Variants in GNE observed in about 807,000 individuals in gnomAD.
The protein encoded by GNE is bifunctional UDP-N-acetylglucosamine 2-epimerase/N-acetylmannosamine kinase.
A neutral mutation model predicts 61.8 loss-of-function variants in GNE; 41 were observed. The observed-to-expected ratio is 0.66, with a 90% confidence interval of 0.52 to 0.86. The LOEUF (loss-of-function observed/expected upper bound fraction) is 0.86, where lower values mean the gene tolerates loss of function less well. Ranked by LOEUF, GNE falls within the 40% of genes least tolerant of loss-of-function variation. GNE has a pLI of 0.00. For missense variants in GNE, 608 were observed against 909.1 expected (o/e 0.67, Z 4.26); for synonymous variants, 264 against 326.4 (o/e 0.81, Z 2.06).
chr9:36,274,113 T>TGTGA (rs1831157099), intron 1 of GNE, among the ~76,000 whole-genome samples: 1 of 133,502 alleles, frequency 7.5e-6, no homozygotes, highest in Non-Finnish European at 1.6e-5. Flanking sequence ...TGTGTGTGTG[T>TGTGA]GTGACAGGGT....
At position 36,216,327 on chromosome 9, in the gene GNE, A is replaced by ATGTGTGTGTGTGTGTGCGTGCGTG; in HGVS notation, c.*1037_*1038insCACGCACGCACACACACACACACA. The ATGTGTGTGTGTGTGTGCGTGCGTG allele has an allele frequency of 2.8e-6, 1 of 355,724 alleles. No homozygotes were observed. The highest frequency in any genetic ancestry group is 5.8e-6 in the Non-Finnish European group (1 of 171,796). 22.0% of individuals were successfully genotyped at this position (355,724 alleles called of 1,614,324 possible). On this transcript the variant is annotated 3_prime_UTR_variant, in exon 12 of 12. Transcript: ENST00000642385. ...TTAGTTTGGGGTTAGAGGAGGAAGG[A>ATGTGTGTGTGTGTGTGCGTGCGTG]TGTGTGTGTGTGTGTGTGTGTGTGT...
At chr9:36,246,662 T>TC (rs1481700068) in intron 2 of GNE, among the ~76,000 whole-genome samples, 180 bp from the exon 3 acceptor site, 19 of 101,172 alleles carry the variant, frequency 1.9e-4, no homozygotes, top group African/African-American at 8.2e-4. Context: ...TTAAGATTCT[T>TC]TTTTTTTTTT....
chr9:36,265,379 G>A lies in GNE; in HGVS notation c.51+11515C>T, dbSNP rs567299273. ...CCATGTTGGGAGCTCTGGGAGCAAGGACCCCCGGTAACATTGTGATGTCTG... is the reference window on the plus strand; with the variant it reads ...CCATGTTGGGAGCTCTGGGAGCAAGAACCCCCGGTAACATTGTGATGTCTG... On this transcript the variant is annotated intron_variant, in intron 1 of 11. Transcript: ENST00000396594. 6.6e-6 allele frequency: 3 copies of A among 455,456 alleles called. No homozygotes were observed. In the Admixed American group the frequency reaches 7.0e-5, roughly 11 times the overall value. The allele number at this position is 455,456 out of a possible 1,614,324, so 28.2% of individuals were successfully genotyped here. A position where few individuals can be genotyped will look rare whatever the true frequency, so the allele number is the denominator to read the frequency against.
Position 36,220,123 on chromosome 9 carries a change from C to G in GNE, c.1634-103G>C, listed in dbSNP as rs375274333. On this transcript the variant is annotated intron_variant, in intron 9 of 11. Transcript: ENST00000642385. Reference sequence around the variant, plus strand: ...TAGCAGAGCTTTGGCATGTGAGGGTCTATAGATACTTCTTTAGACAGCTGA... The same window carrying G: ...TAGCAGAGCTTTGGCATGTGAGGGTGTATAGATACTTCTTTAGACAGCTGA... The G allele has an allele frequency of 1.3e-4, 123 of 920,096 alleles. No homozygotes were observed. The Middle Eastern group carries it at 1.6e-3, about 12-fold the overall frequency. The allele number at this position is 920,096 out of a possible 1,614,324, so 57.0% of individuals were successfully genotyped here.
At chr9:36,270,579 A>G (rs6476542) in intron 1 of GNE, among the ~76,000 whole-genome samples, 115,435 of 149,068 alleles carry the variant, frequency 0.77, 45,095 homozygotes, top group African/African-American at 0.81. Context: ...CTGCAGTGGC[A>G]CGATCTCGGC....
At chr9:36,242,090 T>G (rs75484394) in intron 3 of GNE, among the ~76,000 whole-genome samples, 1 of 151,694 alleles carries the variant, frequency 6.6e-6, no homozygotes, top group Admixed American at 6.6e-5. Context: ...GAGTCGAGAC[T>G]GCGCTAATGC....
chr9:36,258,262 C>A (rs928317502), intron 1 of GNE, 59 bp downstream of exon 1: 1 of 935,668 alleles, frequency 1.1e-6, no homozygotes, highest in Admixed American at 6.2e-5. Flanking sequence ...CCGGGGGAGG[C>A]GGCCCTGGGG....
At chr9:36,274,849 C>CGT (rs1201418056) in intron 1 of GNE, among the ~76,000 whole-genome samples, 2 of 151,604 alleles carry the variant, frequency 1.3e-5, no homozygotes, top group East Asian at 1.9e-4. Context: ...CAGCCTCCCG[C>CGT]GTAGCTGGGA....
intron 3 of GNE, among the ~76,000 whole-genome samples, chr9:36,241,432 G>A (rs1353749636): frequency 6.6e-6 from 1 of 152,130 alleles, no homozygotes; most frequent in Non-Finnish European, 1.5e-5. Context: ...CTTTATGAAA[G>A]AAGGATGGCA....
rs1288187588 is a variant in GNE, at chr9:36,236,961, A to T, written c.640T>A (p.Tyr214Asn). ...WLGDDVKSKD[Y>N]IVALQHPVTT... The stretch of plus-strand genomic sequence containing the variant: ...ACAGGGTGCTGTAGTGCAACAATGT[A>T]ATCTTTAGATTTTACATCATCACCT... The change falls in exon 4 of 12, where the codon TAC (tyrosine) becomes AAC (asparagine). Residue 214 changes from tyrosine (Y) to asparagine (N), a missense_variant. By Grantham distance (143) the Tyr-to-Asn change is moderately radical. Transcript: ENST00000642385. 6.2e-7 allele frequency: 1 copy of T among 1,611,564 alleles called. No individual in the cohort carries two copies. Among genetic ancestry groups the T allele is most frequent in the Non-Finnish European group, 8.5e-7 (1 of 1,177,832 alleles).
At chr9:36,228,704 G>C (rs1829003367) in intron 6 of GNE, among the ~76,000 whole-genome samples, 2 of 145,608 alleles carry the variant, frequency 1.4e-5, no homozygotes, top group African/African-American at 2.5e-5. Context: ...TGAGACAGGA[G>C]AATTGCTTGA....
intron 1 of GNE, among the ~76,000 whole-genome samples, chr9:36,263,721 A>G (rs971365412): frequency 3.3e-5 from 5 of 152,232 alleles, no homozygotes; most frequent in Non-Finnish European, 7.3e-5. Flanking sequence ...ATAAATACCT[A>G]AGCAGCACAG....
In GNE at chr9:36,246,070, T is replaced by A. The variant is rs1829859313; in HGVS notation, c.577A>T (p.Lys193Ter). The change falls in exon 3 of 12, where the codon AAG (lysine) becomes TAG (stop). Residue 193 changes from lysine to a stop codon, truncating the protein, a stop_gained. Transcript: ENST00000642385. LOFTEE classifies it high-confidence loss of function. ...ATGATGCTCATGTAGTCTTTGTTCT[T>A]GGCTGAGAGAAGTTTGTCATAGGAA... ...CPSYDKLLSA[K>*]NKDYMSIIRM... The A allele has an allele frequency of 6.2e-7, 1 of 1,614,082 alleles. No homozygotes were observed. Among genetic ancestry groups the A allele is most frequent in the Non-Finnish European group, 8.5e-7 (1 of 1,180,034 alleles).
chr9:36,217,030 G>C lies in GNE; in HGVS notation c.*335C>G. On this transcript the variant is annotated 3_prime_UTR_variant, in exon 12 of 12. Transcript: ENST00000642385. ...GTGATATCCCAGGCAAGGCCTGAAG[G>C]TCTCAGTGGTATTAATACATTAGTA... 1 of 368,038 alleles carries C rather than the reference G, an allele frequency of 2.7e-6. No homozygotes were observed. Among genetic ancestry groups the C allele is most frequent in the Non-Finnish European group, 5.2e-6 (1 of 191,968 alleles). The allele number at this position is 368,038 out of a possible 1,614,324, so 22.8% of individuals were successfully genotyped here.
chr9:36,257,802 CAAAAAAAA>C (rs60845805), intron 1 of GNE, among the ~76,000 whole-genome samples: 930 of 25,206 alleles, frequency 0.037, 43 homozygotes, highest in East Asian at 0.34. Flanking sequence ...GACTCAGTCT[CAAAAAAAA>C]AAAAAAAAAA....
intron 1 of GNE, among the ~76,000 whole-genome samples, chr9:36,276,697 G>A (rs543035032): frequency 6.6e-6 from 1 of 152,260 alleles, no homozygotes; most frequent in African/African-American, 2.4e-5. Flanking sequence ...CCTGAATTTT[G>A]GCACAGTAAC....
At chr9:36,240,982 A>G (rs535080478) in intron 3 of GNE, among the ~76,000 whole-genome samples, 23 of 152,112 alleles carry the variant, frequency 1.5e-4, no homozygotes, top group African/African-American at 5.5e-4. Flanking sequence ...GTATTTCAGT[A>G]GTGTCAGTTG....
intron 1 of GNE, among the ~76,000 whole-genome samples, chr9:36,252,231 C>T (rs1192196518): frequency 5.3e-5 from 8 of 152,018 alleles, no homozygotes; most frequent in East Asian, 1.9e-4. Context: ...ATGATCCACC[C>T]GCCTCGGCCT....
At chr9:36,263,207 C>G (rs1431037024), upstream of GNE, 1 of 152,144 alleles carries the variant, frequency 6.6e-6, no homozygotes, top group Non-Finnish European at 1.5e-5. Context: ...GGGTTTCACT[C>G]TTGCCCAGGC....
Sources: allele counts gnomAD v4.1 joint callset (sites outside exome capture counted in the v4.1 genomes callset), GRCh38; gene constraint gnomAD v4.1.1; transcripts MANE v1.5; gene names NCBI Gene and HGNC (gene_info 2026-07-23, HGNC 2026-07-21).